The following DGKG variants were observed in gnomAD, a reference collection of about 807,000 sequenced individuals.
DGKG encodes DAG kinase gamma.
In DGKG, 78 loss-of-function variants were observed where a neutral mutation model predicts 105.3. That is an observed-to-expected ratio of 0.74 (90% CI 0.62 to 0.89). DGKG has a LOEUF of 0.89. DGKG is among the 40% of genes least tolerant of loss of function. The pLI is 0.00. For synonymous variants in DGKG, 346 were observed against 367.1 expected (o/e 0.94, Z 0.66); for missense variants, 958 against 1,020.1 (o/e 0.94, Z 0.83).
intron 14 of DGKG, 82 bp from the exon 15 acceptor site, chr3:186,261,860 C>G: frequency 1.1e-6 from 1 of 884,468 alleles, no homozygotes. Flanking sequence ...AAGACAGCTT[C>G]GGAGAGGCAG....
intron 21 of DGKG, among the ~76,000 whole-genome samples, chr3:186,197,260 A>G (rs1718226429): frequency 6.6e-6 from 1 of 152,114 alleles, no homozygotes; most frequent in African/African-American, 2.4e-5. Flanking sequence ...AGAGGCGGAC[A>G]ATATCCTGAC....
chr3:186,192,846 G>A (rs1717971980), intron 21 of DGKG, among the ~76,000 whole-genome samples: 1 of 152,104 alleles, frequency 6.6e-6, no homozygotes, highest in African/African-American at 2.4e-5. Flanking sequence ...ATTATATCTT[G>A]CCTCCGCACC....
At position 186,253,164 on chromosome 3, in the gene DGKG, T is replaced by C. The variant is rs775042843; in HGVS notation, c.1529A>G (p.Lys510Arg). 12 of 1,614,064 alleles carry C rather than the reference T, an allele frequency of 7.4e-6. No homozygotes were observed. The highest frequency in any genetic ancestry group is 3.3e-4 in the Middle Eastern group (2 of 6,084). Reference sequence around the variant, plus strand: ...AGGCAGGACAGCCACTGGTGGATGCTTTGCAAAGTTGGCCTTATCTGCAAG... The same window carrying C: ...AGGCAGGACAGCCACTGGTGGATGCCTTGCAAAGTTGGCCTTATCTGCAAG... ...LDCIDKANFA[K>R]HPPVAVLPLG... The change falls in exon 18 of 25, where the codon AAG becomes AGG. Residue 510 changes from lysine to arginine, a missense_variant. Transcript: ENST00000265022.
intron 4 of DGKG, among the ~76,000 whole-genome samples, chr3:186,297,799 CATT>C (rs1325897140): frequency 6.6e-6 from 1 of 151,966 alleles, no homozygotes; most frequent in Non-Finnish European, 1.5e-5. Context: ...CCCCACCATA[CATT>C]ATTTTGTGTC....
At chr3:186,301,933 A>G (rs1369239526) in intron 3 of DGKG, among the ~76,000 whole-genome samples, 3 of 152,134 alleles carry the variant, frequency 2.0e-5, no homozygotes, top group Admixed American at 2.0e-4. Context: ...ATGTGCGTGT[A>G]TGCACTCTGT....
intron 11 of DGKG, among the ~76,000 whole-genome samples, chr3:186,270,944 C>T (rs1486073379): frequency 2.6e-5 from 4 of 152,228 alleles, no homozygotes; most frequent in East Asian, 1.9e-4. Context: ...CTGCGTCCAG[C>T]AGGTACACCG....
intron 10 of DGKG, among the ~76,000 whole-genome samples, chr3:186,273,764 C>T (rs1722444866): frequency 6.6e-6 from 1 of 152,290 alleles, no homozygotes; most frequent in South Asian, 2.1e-4. Context: ...AGGTCACTTG[C>T]TGCCTAATTC....
chr3:186,354,095 A>G (rs1005202750), intron 1 of DGKG, among the ~76,000 whole-genome samples: 2 of 151,940 alleles, frequency 1.3e-5, no homozygotes, highest in Admixed American at 1.3e-4. Flanking sequence ...AGACTTTTGG[A>G]TGGGGAGTTT....
chr3:186,266,032 T>C (rs927222771), intron 13 of DGKG, among the ~76,000 whole-genome samples: 1 of 151,762 alleles, frequency 6.6e-6, no homozygotes, highest in African/African-American at 2.4e-5. Flanking sequence ...TTCTTGGTTT[T>C]GTTTGTTTTT....
chr3:186,324,166 G>A (rs1166953309), intron 1 of DGKG, among the ~76,000 whole-genome samples: 1 of 149,938 alleles, frequency 6.7e-6, no homozygotes, highest in Non-Finnish European at 1.5e-5. Context: ...ACCTTCAGAA[G>A]CACAGAGGGA....
At chr3:186,247,295 G>T (rs754563262) in intron 19 of DGKG, among the ~76,000 whole-genome samples, 1 of 151,766 alleles carries the variant, frequency 6.6e-6, no homozygotes, top group Admixed American at 6.6e-5. Context: ...AATGGGTTCT[G>T]TTGGCATCAA....
At chr3:186,280,773 A>G in intron 7 of DGKG, 29 bp from the exon 8 acceptor site, 2 of 1,585,504 alleles carry the variant, frequency 1.3e-6, no homozygotes, top group Middle Eastern at 1.7e-4. Context: ...AGAAAATATC[A>G]AAAGGAGACA....
intron 14 of DGKG, among the ~76,000 whole-genome samples, chr3:186,262,804 G>T (rs906565938): frequency 1.3e-5 from 2 of 152,024 alleles, no homozygotes; most frequent in African/African-American, 4.8e-5. Context: ...TCCATGTCCC[G>T]AAATGCCCAC....
intron 1 of DGKG, among the ~76,000 whole-genome samples, chr3:186,328,151 C>T (rs1166628513): frequency 1.3e-5 from 2 of 152,214 alleles, no homozygotes; most frequent in African/African-American, 4.8e-5. Context: ...AAACAAATCT[C>T]TACTCATCTC....
chr3:186,258,867 G>C (rs1380844233), intron 16 of DGKG, among the ~76,000 whole-genome samples: 1 of 152,050 alleles, frequency 6.6e-6, no homozygotes, highest in African/African-American at 2.4e-5. Context: ...TTCCAAGAGG[G>C]GGTTTCTATG....
intron 1 of DGKG, among the ~76,000 whole-genome samples, chr3:186,359,923 T>A (rs1727146871): frequency 6.6e-6 from 1 of 152,208 alleles, no homozygotes; most frequent in Non-Finnish European, 1.5e-5. Context: ...AAGATATACA[T>A]TTTAAAAGTT....
At chr3:186,199,517 C>A (rs1384527996) in intron 21 of DGKG, among the ~76,000 whole-genome samples, 2 of 151,682 alleles carry the variant, frequency 1.3e-5, no homozygotes, top group African/African-American at 4.8e-5. Context: ...ATTTGTATTC[C>A]CATTTATTTT....
At chr3:186,276,202 T>A (rs1283374139) in intron 9 of DGKG, among the ~76,000 whole-genome samples, 3 of 152,220 alleles carry the variant, frequency 2.0e-5, no homozygotes, top group Non-Finnish European at 4.4e-5. Flanking sequence ...AGGCTAATGA[T>A]AGTACATCCG....
chr3:186,208,637 C>T (rs367746023), intron 21 of DGKG, among the ~76,000 whole-genome samples: 26 of 152,310 alleles, frequency 1.7e-4, no homozygotes, highest in East Asian at 9.6e-4. Flanking sequence ...CAAACTTTAA[C>T]GCAGTTTTCC....
Sources: gnomAD v4.1 joint callset for allele counts (sites outside exome capture counted in the v4.1 genomes callset) on GRCh38, gnomAD v4.1.1 for gene constraint, MANE v1.5 for transcripts, NCBI Gene and HGNC (gene_info 2026-07-23, HGNC 2026-07-21) for gene names.